Variants in SMC5 observed in about 807,000 individuals in gnomAD.
SMC5 encodes structural maintenance of chromosomes protein 5.
SMC5 carries 88 observed loss-of-function variants against 148.3 expected under a neutral mutation model. That is an observed-to-expected ratio of 0.59 (90% CI 0.50 to 0.71). The LOEUF (loss-of-function observed/expected upper bound fraction) is 0.71, where lower values mean the gene tolerates loss of function less well. SMC5 is among the 30% of genes least tolerant of loss of function. SMC5 has a pLI of 0.00. For synonymous variants in SMC5, 421 were observed against 432.8 expected (o/e 0.97, Z 0.34); for missense variants, 1,142 against 1,298.9 (o/e 0.88, Z 1.86).
At chr9:70,294,121 GAGA>G (rs922517115) in intron 8 of SMC5, among the ~76,000 whole-genome samples, 1 of 152,144 alleles carries the variant, frequency 6.6e-6, no homozygotes, top group African/African-American at 2.4e-5. Context: ...TTAAAAGCAA[GAGA>G]AGGAGGGAGT....
chr9:70,302,301 C>G (rs1009084316), intron 10 of SMC5, among the ~76,000 whole-genome samples: 5 of 152,052 alleles, frequency 3.3e-5, no homozygotes, highest in Admixed American at 2.6e-4. Flanking sequence ...TGAGACCATC[C>G]TGGCCAACAT....
chr9:70,260,146 C>T (rs549676786), intron 1 of SMC5, among the ~76,000 whole-genome samples: 8 of 152,016 alleles, frequency 5.3e-5, no homozygotes, highest in Non-Finnish European at 1.0e-4. Context: ...ATACTGTCGT[C>T]CGGGCTGGAA....
At position 70,286,343 on chromosome 9, in the gene SMC5, A is replaced by G. The variant is rs142457163; in HGVS notation, c.1053+72A>G. 1.1e-3 allele frequency: 992 copies of G among 924,070 alleles called. 9 individuals carry two copies. The African/African-American group carries it at 0.014, about 13-fold the overall frequency. The allele number at this position is 924,070 out of a possible 1,614,324, so 57.2% of individuals were successfully genotyped here. A position where few individuals can be genotyped will look rare whatever the true frequency, so the allele number is the denominator to read the frequency against. On this transcript the variant is annotated intron_variant, in intron 8 of 24. Coordinates refer to ENST00000361138, the MANE Select transcript of SMC5 (RefSeq NM_015110.4). ...CTTTTGTTTTCAAATACAGATTATG[A>G]GACAGATTCTTGTTGGGGAATGGCC...
intron 10 of SMC5, among the ~76,000 whole-genome samples, chr9:70,301,922 G>A (rs190122880): frequency 1.3e-4 from 20 of 152,284 alleles, no homozygotes; most frequent in Admixed American, 5.9e-4. Context: ...AGAGTGCTGC[G>A]TCTCCTATAT....
intron 11 of SMC5, among the ~76,000 whole-genome samples, chr9:70,307,664 G>T (rs1001584174): frequency 1.3e-5 from 2 of 151,918 alleles, no homozygotes; most frequent in African/African-American, 4.8e-5. Context: ...CACCGTGCCC[G>T]GCTAATTTTT....
intron 3 of SMC5, among the ~76,000 whole-genome samples, chr9:70,268,672 G>A (rs1446344933): frequency 6.6e-6 from 1 of 151,250 alleles, no homozygotes; most frequent in Non-Finnish European, 1.5e-5. Context: ...CAATGTAGAA[G>A]TGTATAATGT....
chr9:70,280,624 G>A, intron 5 of SMC5, 135 bp from the exon 6 acceptor site: 1 of 752,748 alleles, frequency 1.3e-6, no homozygotes. Flanking sequence ...CTAGGCTGGA[G>A]TCTACATAGT....
At position 70,298,240 on chromosome 9, in the gene SMC5, G is replaced by A; in HGVS notation, c.1309+19G>A. The A allele has an allele frequency of 6.3e-7, 1 of 1,596,458 alleles. No homozygotes were observed. Among genetic ancestry groups the A allele is most frequent in the South Asian group, 1.1e-5 (1 of 87,874 alleles). ...AAAAAGAGTAAGTTTCATAAAGTTA[G>A]AATGAAATGTTTATAAAATGTAGAT... On this transcript the variant is annotated intron_variant, in intron 9 of 24. Coordinates refer to ENST00000361138, the MANE Select transcript of SMC5 (RefSeq NM_015110.4).
chr9:70,335,355 T>C (rs1338240372), intron 17 of SMC5, among the ~76,000 whole-genome samples: 3 of 151,954 alleles, frequency 2.0e-5, no homozygotes, highest in African/African-American at 7.3e-5. Context: ...GGCATGATGG[T>C]GAATGCCTGT....
At chr9:70,324,210 G>A (rs1418135327) in intron 17 of SMC5, 67 bp downstream of exon 17, 2 of 1,455,218 alleles carry the variant, frequency 1.4e-6, no homozygotes, top group Non-Finnish European at 1.9e-6. Context: ...AATATATATC[G>A]TGTCATCACT....
intron 15 of SMC5, among the ~76,000 whole-genome samples, chr9:70,320,265 A>G (rs2118619776): frequency 6.6e-6 from 1 of 152,322 alleles, no homozygotes; most frequent in South Asian, 2.1e-4. Flanking sequence ...CACAGATCAA[A>G]AATATTCAAG....
At position 70,352,607 on chromosome 9, in the gene SMC5, A is replaced by G. The variant is rs1398085160; in HGVS notation, c.*276A>G. 1 of 298,396 alleles carries G rather than the reference A, an allele frequency of 3.4e-6. No homozygotes were observed. The highest frequency in any genetic ancestry group is 2.1e-5 in the African/African-American group (1 of 46,556). 18.5% of individuals were successfully genotyped at this position (298,396 alleles called of 1,614,324 possible). On this transcript the variant is annotated 3_prime_UTR_variant, in exon 25 of 25. Coordinates refer to ENST00000361138, the MANE Select transcript of SMC5 (RefSeq NM_015110.4). Reference sequence around the variant, plus strand: ...CTCATGTTAAAATGTACTTAATATTACAAATCAAAGGTACAGTGGAAGAAG... The same window carrying G: ...CTCATGTTAAAATGTACTTAATATTGCAAATCAAAGGTACAGTGGAAGAAG...
chr9:70,302,542 G>A (rs1313739600), intron 10 of SMC5, among the ~76,000 whole-genome samples: 2 of 151,796 alleles, frequency 1.3e-5, no homozygotes, highest in Admixed American at 6.6e-5. Flanking sequence ...ATCGTGGCAT[G>A]TGCCTCTAGT....
In SMC5 at chr9:70,296,999, T is replaced by C. The variant is rs555503832; in HGVS notation, c.1054-967T>C. ...GAAGTATTGGTAGAAAATATTTCCATTGGAAGAAAATAGTTTATTTCTGTT... is the reference window on the plus strand; with the variant it reads ...GAAGTATTGGTAGAAAATATTTCCACTGGAAGAAAATAGTTTATTTCTGTT... On this transcript the variant is annotated intron_variant, in intron 8 of 24. Transcript: ENST00000361138. Among the ~76,000 whole-genome samples the C allele has an allele frequency of 4.6e-5, 7 of 152,274 alleles. No individual in the cohort carries two copies. In the East Asian group the frequency reaches 1.4e-3, roughly 29 times the overall value.
intron 5 of SMC5, among the ~76,000 whole-genome samples, chr9:70,280,507 T>C (rs1389393316): frequency 6.6e-6 from 1 of 152,220 alleles, no homozygotes; most frequent in Admixed American, 6.5e-5. Context: ...ACAGGGCTTC[T>C]TTACAGTTAG....
intron 23 of SMC5, 35 bp downstream of exon 23, chr9:70,350,328 T>G: frequency 6.2e-7 from 1 of 1,609,398 alleles, no homozygotes; most frequent in African/African-American, 1.3e-5. Flanking sequence ...GATCTTCTTA[T>G]ATCCTGTAAC....
chr9:70,309,248 C>A lies in SMC5; in HGVS notation c.1578+3888C>A, dbSNP rs891248680. 2.7e-5 allele frequency among the ~76,000 whole-genome samples: 4 copies of A among 149,732 alleles called. No individual in the cohort carries two copies. In the East Asian group the frequency reaches 7.9e-4, roughly 29 times the overall value. On this transcript the variant is annotated intron_variant, in intron 11 of 24. Coordinates refer to ENST00000361138, the MANE Select transcript of SMC5 (RefSeq NM_015110.4). ...AAATTTACCACATTGATCAACTCTT[C>A]CTTTCACAAAAGATTTCTCTGTAGC...
intron 16 of SMC5, 53 bp downstream of exon 16, chr9:70,323,659 A>G (rs947966264): frequency 2.6e-6 from 4 of 1,552,368 alleles, no homozygotes; most frequent in African/African-American, 2.8e-5. Context: ...GCGGGCAGAT[A>G]AGATAGTAAA....
At chr9:70,300,730 G>A (rs1015007934) in intron 10 of SMC5, among the ~76,000 whole-genome samples, 9 of 152,024 alleles carry the variant, frequency 5.9e-5, no homozygotes, top group African/African-American at 1.9e-4. Context: ...TTAATAAATC[G>A]TCTAGTGAAG....
Sources: allele counts gnomAD v4.1 joint callset (sites outside exome capture counted in the v4.1 genomes callset), GRCh38; gene constraint gnomAD v4.1.1; transcripts MANE v1.5; gene names NCBI Gene and HGNC (gene_info 2026-07-23, HGNC 2026-07-21).